SSRP1: variants seen among roughly 807,000 people sequenced by gnomAD.
The protein encoded by SSRP1 is FACT complex subunit SSRP1.
SSRP1 carries 21 observed loss-of-function variants against 84.4 expected under a neutral mutation model. The ratio of observed to expected loss-of-function variants is 0.25; its 90% CI spans 0.18 to 0.36. The LOEUF (loss-of-function observed/expected upper bound fraction) is 0.36, where lower values mean the gene tolerates loss of function less well. Ranked by LOEUF, SSRP1 falls within the 10% of genes least tolerant of loss-of-function variation. SSRP1 has a pLI of 1.00. For synonymous variants in SSRP1, 319 were observed against 318.3 expected (o/e 1.00, Z -0.02); for missense variants, 519 against 900.8 (o/e 0.58, Z 5.43).
chr11:57,333,524 G>C lies in SSRP1; in HGVS notation c.257C>G (p.Ser86Cys). 1.2e-6 allele frequency: 2 copies of C among 1,613,830 alleles called. No individual in the cohort carries two copies. The highest frequency in any genetic ancestry group is 1.7e-6 in the Non-Finnish European group (2 of 1,179,934). The change falls in exon 4 of 17, where the codon TCT (serine) becomes TGT (cysteine). Residue 86 changes from serine to cysteine, a missense_variant. Around this residue, in one of 7 missense-constraint regions of SSRP1, gnomAD observed 88 missense variants for 122.0 expected, o/e 0.72. Coordinates refer to ENST00000278412, the MANE Select transcript of SSRP1 (RefSeq NM_003146.3). The part of the protein sequence containing the change: ...GFRESEFEKL[S>C]DFFKTHYRLE... ...GCGATAGTGAGTTTTGAAGAAATCA[G>C]AGAGTTTCTCAAACTCCTGTGGGTG...
intron 12 of SSRP1, 129 bp from the exon 13 acceptor site, chr11:57,328,555 TCCA>T: frequency 4.6e-6 from 6 of 1,312,130 alleles, no homozygotes; most frequent in Non-Finnish European, 5.1e-6. Context: ...GAGGACAGTA[TCCA>T]CCACCAATCC....
chr11:57,334,885 C>T (rs146621686), intron 2 of SSRP1, among the ~76,000 whole-genome samples, 183 bp downstream of exon 2: 8 of 152,220 alleles, frequency 5.3e-5, no homozygotes, highest in Non-Finnish European at 1.2e-4. Context: ...ACAGCATATA[C>T]GGTCCCTATA....
rs1391992092 is a variant in SSRP1 at position 57,328,218 on chromosome 11, CAGG to C, written c.1611+76_1611+78del. Reference sequence around the variant, plus strand: ...AAGAACAGGTCCTACTGGTGGTGGACAGGAGAAGGTAAAGAGAATGCCTCCCAC... The same window carrying C: ...AAGAACAGGTCCTACTGGTGGTGGACAGAAGGTAAAGAGAATGCCTCCCAC... On this transcript the variant is annotated intron_variant, in intron 13 of 16. Transcript: ENST00000278412. The C allele has an allele frequency of 2.7e-5, 42 of 1,561,588 alleles. No individual in the cohort carries two copies. The Admixed American group carries it at 3.7e-4, about 14-fold the overall frequency.
Position 57,332,863 on chromosome 11 carries a change from A to C in SSRP1, c.538-8T>G. 6.2e-7 allele frequency: 1 copy of C among 1,606,864 alleles called. No individual in the cohort carries two copies. The highest frequency in any genetic ancestry group is 8.5e-7 in the Non-Finnish European group (1 of 1,174,534). ...CACATTCTGGGCAAAGGCCTGCAAAAGCACATATTGGTAGCCAAGCAGCAG... is the reference window on the plus strand; with the variant it reads ...CACATTCTGGGCAAAGGCCTGCAAACGCACATATTGGTAGCCAAGCAGCAG... On this transcript the variant is annotated splice_polypyrimidine_tract_variant and splice_region_variant and intron_variant, in intron 5 of 16. Coordinates refer to ENST00000278412, the MANE Select transcript of SSRP1 (RefSeq NM_003146.3). The surrounding 1 kb of genome is among the most constrained non-coding windows in gnomAD (Gnocchi z 5.5).
intron 15 of SSRP1, chr11:57,327,116 G>T: frequency 1.2e-6 from 1 of 810,708 alleles, no homozygotes; most frequent in Non-Finnish European, 1.9e-6. Context: ...AAACCTACTT[G>T]ATATTTCTTG....
intron 2 of SSRP1, 84 bp downstream of exon 2, chr11:57,334,983 TA>T: frequency 6.6e-7 from 1 of 1,513,470 alleles, no homozygotes. Context: ...AAAATAACGT[TA>T]CCAAAGCAAG....
Position 57,329,774 on chromosome 11 carries a change from C to T in SSRP1, c.1481+319G>A, listed in dbSNP as rs193090000. 5.6e-5 allele frequency: 25 copies of T among 449,988 alleles called. No individual in the cohort carries two copies. In the East Asian group the frequency reaches 6.2e-4, roughly 11 times the overall value. 27.9% of individuals were successfully genotyped at this position (449,988 alleles called of 1,614,324 possible). ...GGAAATTGAGATTCAATGACTTACT[C>T]GACAACCCCCAGCAAGTAAGTGGCA... is the stretch of plus-strand genomic sequence containing the variant. On this transcript the variant is annotated intron_variant, in intron 12 of 16. Coordinates refer to ENST00000278412, the MANE Select transcript of SSRP1 (RefSeq NM_003146.3).
Position 57,333,448 on chromosome 11 carries a change from T to C in SSRP1, c.333A>G (p.Thr111=), listed in dbSNP as rs747102979. 12 of 1,613,900 alleles carry C rather than the reference T, an allele frequency of 7.4e-6. No homozygotes were observed. The highest frequency in any genetic ancestry group is 1.0e-5 in the Non-Finnish European group (12 of 1,179,968). The part of the protein sequence containing the change: ...DLCVKGWNWG[T]VKFGGQLLSF... Reference sequence around the variant, plus strand: ...CCCAGGACTCACCACCAAATTTCACTGTCCCCCAGTTCCAGCCCTTCACAC... The same window carrying C: ...CCCAGGACTCACCACCAAATTTCACCGTCCCCCAGTTCCAGCCCTTCACAC... The change falls in exon 4 of 17, where the codon ACA becomes ACG. Residue 111 remains threonine (T), a synonymous_variant. Transcript: ENST00000278412.
In SSRP1 at chr11:57,335,251, G is replaced by C. The variant is rs564073609; in HGVS notation, c.-119-11C>G. The C allele has an allele frequency of 1.1e-6, 1 of 900,792 alleles. No homozygotes were observed. Among genetic ancestry groups the C allele is most frequent in the Non-Finnish European group, 1.8e-6 (1 of 545,372 alleles). 55.8% of individuals were successfully genotyped at this position (900,792 alleles called of 1,614,324 possible). On this transcript the variant is annotated splice_polypyrimidine_tract_variant and intron_variant, in intron 1 of 16. Coordinates refer to ENST00000278412, the MANE Select transcript of SSRP1 (RefSeq NM_003146.3). The surrounding 1 kb of genome is among the most constrained non-coding windows in gnomAD (Gnocchi z 4.6). ...CAGCAGGTTGGGAATCTGAATTCAAGAGGAAGACAGATAAGCATGAAAGAC... is the reference window on the plus strand; with the variant it reads ...CAGCAGGTTGGGAATCTGAATTCAACAGGAAGACAGATAAGCATGAAAGAC...
rs576854910 is a variant in SSRP1, at chr11:57,326,724, T to C, written c.2037A>G (p.Lys679=). The change falls in exon 16 of 17, where the codon AAA becomes AAG. Residue 679 remains lysine, a synonymous_variant. Transcript: ENST00000278412. ...GCACCTCGCTCCTCCTCCTCTTCTT[T>C]TTGCTCTTGTTCTCTCCCGAAGAGC... ...DESSSGENKS[K]KKRRRSEDSE... 347 of 1,613,778 alleles carry C rather than the reference T, an allele frequency of 2.2e-4. 9 individuals carry two copies. In the South Asian group the frequency reaches 3.1e-3, roughly 14 times the overall value.
chr11:57,326,403 G>T lies in SSRP1; in HGVS notation c.*4C>A, dbSNP rs776165491. On this transcript the variant is annotated 3_prime_UTR_variant, in exon 17 of 17. Coordinates refer to ENST00000278412, the MANE Select transcript of SSRP1 (RefSeq NM_003146.3). ...GCAAGCGCAAAGAGAACCTTCCTCC[G>T]TTTCTACTCATCGGATCCTGACGCT... The T allele has an allele frequency of 4.3e-6, 7 of 1,613,964 alleles. No individual in the cohort carries two copies. In the African/African-American group the frequency reaches 8.0e-5, roughly 18 times the overall value.
Position 57,330,236 on chromosome 11 carries a change from G to A in SSRP1, c.1435+55C>T, listed in dbSNP as rs2134388160. On this transcript the variant is annotated intron_variant, in intron 11 of 16. Transcript: ENST00000278412. This position sits in a 1 kb window ranked among gnomAD's most constrained non-coding sequence, Gnocchi z 4.0. The stretch of plus-strand genomic sequence containing the variant: ...CTGGCCCAAGGGTGAGTCCAGCCCG[G>A]GCCACAGCGAGGAGCGTCTGACCAT... 3 of 1,614,044 alleles carry A rather than the reference G, an allele frequency of 1.9e-6. No homozygotes were observed. Among genetic ancestry groups the A allele is most frequent in the East Asian group, 4.5e-5 (2 of 44,830 alleles).
rs1855976469 is a variant in SSRP1 at position 57,326,217 on chromosome 11, GCC to G, written c.*188_*189del. 3.3e-6 allele frequency: 2 copies of G among 612,868 alleles called. No homozygotes were observed. Among genetic ancestry groups the G allele is most frequent in the Admixed American group, 5.8e-5 (2 of 34,330 alleles). 38.0% of individuals were successfully genotyped at this position (612,868 alleles called of 1,614,324 possible). A position where few individuals can be genotyped will look rare whatever the true frequency, so the allele number is the denominator to read the frequency against. On this transcript the variant is annotated 3_prime_UTR_variant, in exon 17 of 17. Coordinates refer to ENST00000278412, the MANE Select transcript of SSRP1 (RefSeq NM_003146.3). ...CCTATCTCTCCCCAAATTATAAACA[GCC>G]ATCCTTGGGAAGCAGCAGAGTTAAG...
At position 57,334,761 on chromosome 11, in the gene SSRP1, C is replaced by G. The variant is rs1414523639; in HGVS notation, c.55-113G>C. 4.7e-6 allele frequency: 6 copies of G among 1,266,318 alleles called. No homozygotes were observed. The African/African-American group carries it at 7.4e-5, about 16-fold the overall frequency. 78.4% of individuals were successfully genotyped at this position (1,266,318 alleles called of 1,614,324 possible). A position where few individuals can be genotyped will look rare whatever the true frequency, so the allele number is the denominator to read the frequency against. On this transcript the variant is annotated intron_variant, in intron 2 of 16. Coordinates refer to ENST00000278412, the MANE Select transcript of SSRP1 (RefSeq NM_003146.3). Reference sequence around the variant, plus strand: ...AAGTGGACTGGCCAGATTATCAATGCAGGAGCAACAGCTGAGGGTGCCAAG... The same window carrying G: ...AAGTGGACTGGCCAGATTATCAATGGAGGAGCAACAGCTGAGGGTGCCAAG...
rs748785342 is a variant in SSRP1, at chr11:57,328,374, G to A, written c.1534C>T (p.Arg512Trp). 19 of 1,613,878 alleles carry A rather than the reference G, an allele frequency of 1.2e-5. No individual in the cohort carries two copies. Among genetic ancestry groups the A allele is most frequent in the Admixed American group, 1.7e-5 (1 of 59,990 alleles). ...AGCTGTTTCCGCTTCTTCTCATCCC[G>A]GTCACTGTCACCCTCATTACTGGAG... The part of the protein sequence containing the change: ...SSSSNEGDSD[R>W]DEKKRKQLKK... The change falls in exon 13 of 17, where the codon CGG becomes TGG. Residue 512 changes from arginine to tryptophan, a missense_variant. This residue lies in a region of SSRP1 where 197 missense variants were observed against 265.0 expected (regional missense o/e 0.74). Coordinates refer to ENST00000278412, the MANE Select transcript of SSRP1 (RefSeq NM_003146.3).
At chr11:57,333,878 G>T (rs543516463) in intron 3 of SSRP1, among the ~76,000 whole-genome samples, 5 of 152,238 alleles carry the variant, frequency 3.3e-5, no homozygotes, top group Non-Finnish European at 7.3e-5. Flanking sequence ...CTAGCCAGGC[G>T]CAATGGCTCA....
chr11:57,331,025 G>A, intron 9 of SSRP1, 98 bp from the exon 10 acceptor site: 9 of 1,379,158 alleles, frequency 6.5e-6, no homozygotes, highest in Non-Finnish European at 9.2e-6. Context: ...AGACTGTGGA[G>A]CCTGGAGCTC....
chr11:57,326,350 T>G lies in SSRP1; in HGVS notation c.*57A>C. On this transcript the variant is annotated 3_prime_UTR_variant, in exon 17 of 17. Transcript: ENST00000278412. Reference sequence around the variant, plus strand: ...ATGAGGAGAAACTGGTACCAAAATATGGGTGGGGAGTCGGGGGGTGTGAGA... The same window carrying G: ...ATGAGGAGAAACTGGTACCAAAATAGGGGTGGGGAGTCGGGGGGTGTGAGA... The G allele has an allele frequency of 6.6e-7, 1 of 1,524,676 alleles. No individual in the cohort carries two copies. Among genetic ancestry groups the G allele is most frequent in the Non-Finnish European group, 9.1e-7 (1 of 1,101,128 alleles). The allele number at this position is 1,524,676 out of a possible 1,614,324, so 94.4% of individuals were successfully genotyped here. A position where few individuals can be genotyped will look rare whatever the true frequency, so the allele number is the denominator to read the frequency against.
chr11:57,335,072 G>T lies in SSRP1; in HGVS notation c.50C>A (p.Ser17Tyr). ...FNDVYQEVKGSMNDGRLRLSR... is the reference protein window; with the variant it reads ...FNDVYQEVKGYMNDGRLRLSR... ...ACCTGTCCAAGCCATTCTCACCATG[G>T]AACCTTTCACCTCCTGATAGACGTC... The change falls in exon 2 of 17, where the codon TCC becomes TAC. Residue 17 changes from serine to tyrosine, a missense_variant. Ser to Tyr is a moderately radical substitution (Grantham distance 144). This residue lies in a region of SSRP1 where 88 missense variants were observed against 122.0 expected (regional missense o/e 0.72). Transcript: ENST00000278412. The surrounding 1 kb of genome is among the most constrained non-coding windows in gnomAD (Gnocchi z 4.6). 6.2e-7 allele frequency: 1 copy of T among 1,613,992 alleles called. No individual in the cohort carries two copies. The highest frequency in any genetic ancestry group is 8.5e-7 in the Non-Finnish European group (1 of 1,179,960).
Sources: allele counts gnomAD v4.1 joint callset (sites outside exome capture counted in the v4.1 genomes callset), GRCh38; gene constraint gnomAD v4.1.1; regional missense constraint gnomAD v4.1.1; non-coding constraint Gnocchi (gnomAD v3.1); transcripts MANE v1.5; gene names NCBI Gene and HGNC (gene_info 2026-07-23, HGNC 2026-07-21).